The following GABRB1 variants were observed in gnomAD, a reference collection of about 807,000 sequenced individuals.
The protein encoded by GABRB1 is gamma-aminobutyric acid type A receptor subunit beta1.
In GABRB1, 17 loss-of-function variants were observed where a neutral mutation model predicts 51.6. That is an observed-to-expected ratio of 0.33 (90% CI 0.23 to 0.49). The LOEUF (loss-of-function observed/expected upper bound fraction) is 0.49. GABRB1 is among the 20% of genes least tolerant of loss of function. The pLI, the probability that GABRB1 is intolerant of heterozygous loss-of-function variation, is 0.99. For missense variants in GABRB1, 410 were observed against 600.6 expected (o/e 0.68, Z 3.32); for synonymous variants, 247 against 218.9 (o/e 1.13, Z -1.14).
chr4:47,311,237 T>TACAACAACAACA (rs1382390835), intron 4 of GABRB1, among the ~76,000 whole-genome samples: 66,966 of 142,142 alleles, frequency 0.47, 16,840 homozygotes, highest in Non-Finnish European at 0.56. Flanking sequence ...CTACTAAAAA[T>TACAACAACAACA]ACAACAACAA....
chr4:46,996,207 G>C (rs956493908), intron 1 of GABRB1, among the ~76,000 whole-genome samples: 1 of 151,506 alleles, frequency 6.6e-6, no homozygotes, highest in East Asian at 1.9e-4. Flanking sequence ...TATTATTATT[G>C]TCTGTGTAGC....
intron 4 of GABRB1, among the ~76,000 whole-genome samples, chr4:47,290,040 C>T (rs190716312): frequency 2.2e-4 from 34 of 152,250 alleles, no homozygotes; most frequent in Non-Finnish European, 7.4e-5. Context: ...ACAATTTTGC[C>T]TAGAAGTAGA....
At chr4:47,098,011 A>C (rs1027662411) in intron 3 of GABRB1, among the ~76,000 whole-genome samples, 4 of 152,152 alleles carry the variant, frequency 2.6e-5, no homozygotes. Context: ...GGCCTTGCCA[A>C]GTTGGGATAT....
intron 4 of GABRB1, among the ~76,000 whole-genome samples, chr4:47,242,132 C>T (rs28584485): frequency 0.34 from 51,170 of 151,552 alleles, 8,953 homozygotes; most frequent in African/African-American, 0.36. Flanking sequence ...TGAGAACATG[C>T]GGTGTTTGGT....
chr4:47,124,540 C>T (rs992451409), intron 3 of GABRB1, among the ~76,000 whole-genome samples: 1 of 152,028 alleles, frequency 6.6e-6, no homozygotes, highest in Admixed American at 6.6e-5. Context: ...TATAAATTGC[C>T]TGACAAAAAA....
chr4:47,312,048 TG>T (rs1724707208), intron 4 of GABRB1, among the ~76,000 whole-genome samples: 4 of 17,080 alleles, frequency 2.3e-4, no homozygotes, highest in African/African-American at 6.6e-4. Flanking sequence ...TGTGTGTGTG[TG>T]TGTGTGTGTG....
rs144532495 is a variant in GABRB1 at position 47,425,791 on chromosome 4, G to A, written c.1198G>A (p.Ala400Thr). 1 of 1,614,110 alleles carries A rather than the reference G, an allele frequency of 6.2e-7. No individual in the cohort carries two copies. Among genetic ancestry groups the A allele is most frequent in the African/African-American group, 1.3e-5 (1 of 75,048 alleles). The change falls in exon 9 of 9, where the codon GCC (alanine) becomes ACC (threonine). Residue 400 changes from alanine to threonine, a missense_variant. By Grantham distance (58) the Ala-to-Thr change is moderately conservative. Transcript: ENST00000295454. ...GGCCACCATGTACTCCTATGACAGC[G>A]CCAGCATCCAGTACCGCAAGCCCCT... ...PKATMYSYDS[A>T]SIQYRKPLSS...
intron 3 of GABRB1, among the ~76,000 whole-genome samples, chr4:47,048,345 G>A (rs1726190201): frequency 6.6e-6 from 1 of 152,108 alleles, no homozygotes; most frequent in Non-Finnish European, 1.5e-5. Flanking sequence ...AAGCTGCCAT[G>A]TCACTGAGCT....
At chr4:47,229,781 T>C (rs1019293542) in intron 4 of GABRB1, among the ~76,000 whole-genome samples, 3 of 151,996 alleles carry the variant, frequency 2.0e-5, no homozygotes, top group Admixed American at 6.6e-5. Flanking sequence ...TTTAGGGTGA[T>C]GAAGGCACAA....
At chr4:47,320,962 G>C (rs561770352) in intron 5 of GABRB1, among the ~76,000 whole-genome samples, 1 of 151,996 alleles carries the variant, frequency 6.6e-6, no homozygotes, top group African/African-American at 2.4e-5. Flanking sequence ...GTAGAGACGA[G>C]GTTTCATCTT....
chr4:47,190,917 G>C (rs1473903170), intron 4 of GABRB1, among the ~76,000 whole-genome samples: 1 of 152,124 alleles, frequency 6.6e-6, no homozygotes, highest in Non-Finnish European at 1.5e-5. Flanking sequence ...TGTTAGGTCT[G>C]CAACTGCTGG....
At chr4:47,292,930 C>T (rs529329813) in intron 4 of GABRB1, among the ~76,000 whole-genome samples, 6 of 152,148 alleles carry the variant, frequency 3.9e-5, no homozygotes, top group Non-Finnish European at 7.3e-5. Context: ...GCCAAGTCAC[C>T]TCTTAATAGT....
chr4:47,048,302 C>A lies in GABRB1; in HGVS notation c.240+15818C>A, dbSNP rs557932172. ...TTGGAACGACTAACTTGTGACCTTA[C>A]GGTGCACAATACTCAAACTTATATC... On this transcript the variant is annotated intron_variant, in intron 3 of 8. Coordinates refer to ENST00000295454, the MANE Select transcript of GABRB1 (RefSeq NM_000812.4). 3.9e-5 allele frequency among the ~76,000 whole-genome samples: 6 copies of A among 152,168 alleles called. No homozygotes were observed. The South Asian group carries it at 1.2e-3, about 32-fold the overall frequency.
At chr4:47,287,594 A>AT (rs1418352172) in intron 4 of GABRB1, among the ~76,000 whole-genome samples, 1 of 152,178 alleles carries the variant, frequency 6.6e-6, no homozygotes, top group Non-Finnish European at 1.5e-5. Context: ...TCTAAAATGG[A>AT]TTTCAATGAT....
chr4:47,198,788 G>A (rs979635639), intron 4 of GABRB1, among the ~76,000 whole-genome samples: 1 of 152,148 alleles, frequency 6.6e-6, no homozygotes, highest in Non-Finnish European at 1.5e-5. Context: ...AAAGAAAGAG[G>A]CTTGATTGAC....
At chr4:47,221,200 T>C (rs751984265) in intron 4 of GABRB1, among the ~76,000 whole-genome samples, 3 of 152,022 alleles carry the variant, frequency 2.0e-5, no homozygotes, top group Non-Finnish European at 4.4e-5. Context: ...CTGCACTGAT[T>C]TCACCAGCCA....
intron 4 of GABRB1, among the ~76,000 whole-genome samples, chr4:47,196,922 A>G (rs189667904): frequency 2.0e-5 from 3 of 152,344 alleles, no homozygotes; most frequent in African/African-American, 7.2e-5. Context: ...CAGCTCCTTG[A>G]AGGCAGTGCT....
chr4:47,287,506 A>G (rs1723554629), intron 4 of GABRB1, among the ~76,000 whole-genome samples: 1 of 152,118 alleles, frequency 6.6e-6, no homozygotes, highest in South Asian at 2.1e-4. Context: ...ATCCTTTAAA[A>G]CCCAGATCAT....
intron 4 of GABRB1, among the ~76,000 whole-genome samples, chr4:47,293,788 G>T (rs1038954289): frequency 6.6e-6 from 1 of 152,070 alleles, no homozygotes; most frequent in East Asian, 1.9e-4. Flanking sequence ...TCCTAAAATA[G>T]TCTCAGTCCT....
Sources: allele counts gnomAD v4.1 joint callset (sites outside exome capture counted in the v4.1 genomes callset), GRCh38; gene constraint gnomAD v4.1.1; transcripts MANE v1.5; gene names NCBI Gene and HGNC (gene_info 2026-07-23, HGNC 2026-07-21).